Variants in EXOC4 observed in about 807,000 individuals in gnomAD.
EXOC4 encodes the protein exocyst complex component 4, also known as SEC8-like 1.
In EXOC4, 71 loss-of-function variants were observed where a neutral mutation model predicts 107.2. The observed-to-expected ratio is 0.66, with a 90% CI of 0.55 to 0.81. EXOC4 has a LOEUF of 0.81. Among genes scored for constraint, EXOC4 ranks in the 30% least tolerant of loss-of-function variants. EXOC4 has a pLI of 0.00. For missense variants in EXOC4, 1,108 were observed against 1,189.6 expected (o/e 0.93, Z 1.01); for synonymous variants, 456 against 441.2 (o/e 1.03, Z -0.42).
intron 11 of EXOC4, among the ~76,000 whole-genome samples, chr7:133,837,263 A>C (rs913868495): frequency 6.6e-6 from 1 of 152,158 alleles, no homozygotes; most frequent in South Asian, 2.1e-4. Flanking sequence ...GTGATCTCCT[A>C]CTAACTTGTG....
chr7:133,459,740 C>T (rs968475791), intron 7 of EXOC4, among the ~76,000 whole-genome samples: 11 of 151,908 alleles, frequency 7.2e-5, no homozygotes, highest in African/African-American at 2.2e-4. Context: ...TGCATTTCTT[C>T]GGTACTTTAT....
chr7:133,564,147 A>G (rs1387058940), intron 9 of EXOC4, among the ~76,000 whole-genome samples: 1 of 152,200 alleles, frequency 6.6e-6, no homozygotes, highest in African/African-American at 2.4e-5. Context: ...ATAAAGAAAA[A>G]GAGATTTAAT....
At chr7:134,045,251 G>T (rs1205918430) in intron 17 of EXOC4, among the ~76,000 whole-genome samples, 1 of 152,156 alleles carries the variant, frequency 6.6e-6, no homozygotes, top group Non-Finnish European at 1.5e-5. Context: ...TCTCGTAAGG[G>T]TTACTCATTA....
At chr7:133,378,832 A>C (rs975166355) in intron 7 of EXOC4, among the ~76,000 whole-genome samples, 4 of 152,100 alleles carry the variant, frequency 2.6e-5, no homozygotes, top group Admixed American at 2.0e-4. Context: ...AGATAGGATG[A>C]ATAGAACCCA....
At chr7:133,428,166 A>G (rs1009423194) in intron 7 of EXOC4, among the ~76,000 whole-genome samples, 1 of 152,178 alleles carries the variant, frequency 6.6e-6, no homozygotes, top group Non-Finnish European at 1.5e-5. Context: ...CTCAGCATAG[A>G]GAATGTCCTG....
chr7:134,100,122 T>C, the EXOC4 span, among the ~76,000 whole-genome samples: 3 of 152,160 alleles, frequency 2.0e-5, no homozygotes, highest in South Asian at 6.2e-4. Flanking sequence ...TATGTCTTTT[T>C]GTTATAGTGG....
At chr7:133,260,563 C>T (rs144111932) in intron 1 of EXOC4, among the ~76,000 whole-genome samples, 2,426 of 152,242 alleles carry the variant, frequency 0.016, 35 homozygotes, top group Non-Finnish European at 0.023. Context: ...TGTGAGGCAC[C>T]GCGCCTGGCC....
intron 14 of EXOC4, among the ~76,000 whole-genome samples, chr7:133,941,017 C>T (rs1456007236): frequency 2.0e-5 from 3 of 150,678 alleles, no homozygotes; most frequent in African/African-American, 7.3e-5. Context: ...TATTTTCTTT[C>T]TTTTTTTCTT....
chr7:133,772,396 C>A (rs1796261807), intron 10 of EXOC4, among the ~76,000 whole-genome samples: 1 of 152,046 alleles, frequency 6.6e-6, no homozygotes, highest in Admixed American at 6.6e-5. Context: ...GCAGGCTTCC[C>A]TCTTTTCTAA....
intron 16 of EXOC4, among the ~76,000 whole-genome samples, chr7:134,007,066 A>G (rs1441484194): frequency 6.6e-6 from 1 of 152,074 alleles, no homozygotes; most frequent in Non-Finnish European, 1.5e-5. Flanking sequence ...CCTTTTTTCT[A>G]ATTGTGTCTT....
At chr7:134,003,743 A>ATT (rs1217559572) in intron 15 of EXOC4, among the ~76,000 whole-genome samples, 1 of 145,166 alleles carries the variant, frequency 6.9e-6, no homozygotes, top group African/African-American at 2.5e-5. Context: ...TTGGTTTGGG[A>ATT]TTTTTTTTTT....
chr7:133,424,921 A>G (rs986605284), intron 7 of EXOC4, among the ~76,000 whole-genome samples: 1 of 152,242 alleles, frequency 6.6e-6, no homozygotes, highest in South Asian at 2.1e-4. Flanking sequence ...TAGGTTGGCT[A>G]GCACACAGAA....
At chr7:133,256,910 A>G (rs530590924) in intron 1 of EXOC4, among the ~76,000 whole-genome samples, 208 of 152,388 alleles carry the variant, frequency 1.4e-3, no homozygotes, top group African/African-American at 4.6e-3. Flanking sequence ...GCTAGTATAA[A>G]GTATTTAAAC....
intron 9 of EXOC4, among the ~76,000 whole-genome samples, chr7:133,482,478 G>C (rs1799180368): frequency 6.6e-6 from 1 of 152,196 alleles, no homozygotes; most frequent in Admixed American, 6.5e-5. Context: ...AGAATGGAGA[G>C]CACTCTGCAG....
At chr7:133,815,826 T>C (rs1282247272) in intron 10 of EXOC4, among the ~76,000 whole-genome samples, 1 of 152,244 alleles carries the variant, frequency 6.6e-6, no homozygotes, top group Non-Finnish European at 1.5e-5. Context: ...AGTGTCAACA[T>C]TCCCAGGGTC....
chr7:133,266,529 T>G lies in EXOC4; in HGVS notation c.87-8453T>G, dbSNP rs540482754. ...TGGTCAAGCTGTTAATTTTTCACAA[T>G]TGTTTGTCAATCTTACTGCATGCTT... On this transcript the variant is annotated intron_variant, in intron 1 of 17. Transcript: ENST00000253861. 9.8e-5 allele frequency among the ~76,000 whole-genome samples: 15 copies of G among 152,342 alleles called. No individual in the cohort carries two copies. The South Asian group carries it at 2.7e-3, about 27-fold the overall frequency.
At chr7:133,791,271 A>C (rs1378168141) in intron 10 of EXOC4, among the ~76,000 whole-genome samples, 3 of 152,196 alleles carry the variant, frequency 2.0e-5, no homozygotes, top group African/African-American at 7.2e-5. Context: ...GTATTTATGA[A>C]TATGAATGCA....
At chr7:134,089,029 T>C in the EXOC4 span, among the ~76,000 whole-genome samples, 1 of 152,170 alleles carries the variant, frequency 6.6e-6, no homozygotes, top group African/African-American at 2.4e-5. Context: ...TTTTCATAAA[T>C]CTTGTATAAC....
At chr7:133,670,412 A>C (rs1009478325) in intron 10 of EXOC4, among the ~76,000 whole-genome samples, 2 of 152,186 alleles carry the variant, frequency 1.3e-5, no homozygotes, top group Non-Finnish European at 2.9e-5. Flanking sequence ...GGTTTGTTTC[A>C]ATTTGATTCC....
Sources: gnomAD v4.1 joint callset for allele counts (sites outside exome capture counted in the v4.1 genomes callset) on GRCh38, gnomAD v4.1.1 for gene constraint, MANE v1.5 for transcripts, NCBI Gene and HGNC (gene_info 2026-07-23, HGNC 2026-07-21) for gene names.